The following ST3GAL3 variants were observed in gnomAD, a reference collection of about 807,000 sequenced individuals.
ST3GAL3 encodes ST3 beta-galactoside alpha-2,3-sialyltransferase 3, also known as CMP-N-acetylneuraminate-beta-1,4-galactoside alpha-2,3-sialyltransferase.
Under a neutral mutation model 50.1 loss-of-function variants are expected in ST3GAL3, and 21 were observed. The observed-to-expected ratio is 0.42, with a 90% CI of 0.30 to 0.60. The LOEUF (loss-of-function observed/expected upper bound fraction) is 0.60, where lower values mean the gene tolerates loss of function less well. Among genes scored for constraint, ST3GAL3 ranks in the 20% least tolerant of loss-of-function variants. The probability of loss-of-function intolerance (pLI) is 0.19; values close to 1 mark genes in which losing one functional copy is unlikely to be tolerated. For synonymous variants in ST3GAL3, 183 were observed against 190.0 expected (o/e 0.96, Z 0.30); for missense variants, 353 against 489.4 (o/e 0.72, Z 2.63).
At chr1:43,816,997 C>T (rs567632482) in intron 4 of ST3GAL3, among the ~76,000 whole-genome samples, 1 of 152,154 alleles carries the variant, frequency 6.6e-6, no homozygotes, top group African/African-American at 2.4e-5. Context: ...TTGGTGGGGG[C>T]AGTTCCTCAG....
rs184263426 is a variant in ST3GAL3 at position 43,719,431 on chromosome 1, A to T, written c.-31+11738A>T. 4.6e-5 allele frequency among the ~76,000 whole-genome samples: 7 copies of T among 151,222 alleles called. No homozygotes were observed. In the East Asian group the frequency reaches 9.8e-4, roughly 21 times the overall value. ...AATACTAGCACTTTGGGAGGCCGAG[A>T]TGAGCGGATTGCCTGAGCTCAGGAG... On this transcript the variant is annotated intron_variant, in intron 1 of 11. Coordinates refer to ENST00000347631, the MANE Select transcript of ST3GAL3 (RefSeq NM_006279.5).
At chr1:43,849,883 G>C (rs961659517) in intron 5 of ST3GAL3, among the ~76,000 whole-genome samples, 2 of 152,238 alleles carry the variant, frequency 1.3e-5, no homozygotes, top group Non-Finnish European at 2.9e-5. Flanking sequence ...AAGAGTGGCA[G>C]TGTGTACAAG....
intron 5 of ST3GAL3, among the ~76,000 whole-genome samples, chr1:43,886,500 T>C (rs553358209): frequency 3.9e-5 from 6 of 152,368 alleles, no homozygotes; most frequent in Admixed American, 2.0e-4. Context: ...TGTACAATTA[T>C]TATGTGCCTA....
At chr1:43,766,405 G>A (rs183354824) in intron 2 of ST3GAL3, among the ~76,000 whole-genome samples, 10 of 151,922 alleles carry the variant, frequency 6.6e-5, no homozygotes, top group Middle Eastern at 3.4e-3. Flanking sequence ...AAGAAGTGGC[G>A]ATTTAAAAAA....
intron 11 of ST3GAL3, 195 bp from the exon 12 acceptor site, chr1:43,929,937 G>T (rs530449406): frequency 6.8e-6 from 5 of 740,656 alleles, no homozygotes; most frequent in Non-Finnish European, 1.2e-5. Context: ...TCTTGGGAAG[G>T]GAGGAGGATG....
At chr1:43,911,194 T>A (rs1381802258) in intron 9 of ST3GAL3, 1 of 150,570 alleles carries the variant, frequency 6.6e-6, no homozygotes, top group Non-Finnish European at 1.5e-5. Flanking sequence ...CAGGCTGGAG[T>A]GTAGTGGCAC....
intron 5 of ST3GAL3, chr1:43,857,995 C>A: frequency 2.2e-6 from 1 of 446,880 alleles, no homozygotes; most frequent in Middle Eastern, 4.4e-4. Context: ...ATTTAAAAAG[C>A]AAAACCAACC....
chr1:43,899,620 G>A lies in ST3GAL3; in HGVS notation c.637G>A (p.Ala213Thr), dbSNP rs780493101. Residue 213 changes from alanine (A) to threonine (T), a missense_variant, in exon 9 of 12, where the codon GCC (alanine) becomes ACC (threonine). Coordinates refer to ENST00000347631, the MANE Select transcript of ST3GAL3 (RefSeq NM_006279.5). The surrounding 1 kb of genome is among the most constrained non-coding windows in gnomAD (Gnocchi z 5.4). ...ACTGCGCATCACCTACCCCGAGGGC[G>A]CCATGCAGCGGCCTGAGCAGTACGA... is the stretch of plus-strand genomic sequence containing the variant. ...TTLRITYPEGAMQRPEQYERD... is the reference protein window; with the variant it reads ...TTLRITYPEGTMQRPEQYERD... 1.5e-5 allele frequency: 25 copies of A among 1,614,026 alleles called. No homozygotes were observed. Among genetic ancestry groups the A allele is most frequent in the Admixed American group, 1.7e-5 (1 of 60,000 alleles).
intron 4 of ST3GAL3, among the ~76,000 whole-genome samples, chr1:43,816,676 G>A (rs2061282008): frequency 6.6e-6 from 1 of 152,156 alleles, no homozygotes; most frequent in Non-Finnish European, 1.5e-5. Context: ...TGAGGAGGAC[G>A]CTCATCTCCT....
intron 2 of ST3GAL3, among the ~76,000 whole-genome samples, chr1:43,756,547 TACAC>T (rs36004035): frequency 6.6e-6 from 1 of 150,630 alleles, no homozygotes; most frequent in African/African-American, 2.4e-5. Context: ...ATGTATTGTA[TACAC>T]ACACACACAC....
chr1:43,884,658 C>A (rs957556086), intron 5 of ST3GAL3, among the ~76,000 whole-genome samples: 1 of 152,190 alleles, frequency 6.6e-6, no homozygotes, highest in East Asian at 1.9e-4. Context: ...GGAGCCAAGG[C>A]CTGTGGTTGA....
chr1:43,750,747 A>C (rs1421318952), intron 2 of ST3GAL3, among the ~76,000 whole-genome samples: 2 of 151,884 alleles, frequency 1.3e-5, no homozygotes, highest in African/African-American at 4.8e-5. Context: ...AAAAAAAAAA[A>C]ATTAGCCCAG....
intron 5 of ST3GAL3, among the ~76,000 whole-genome samples, chr1:43,882,613 G>T (rs968845033): frequency 6.6e-6 from 1 of 152,114 alleles, no homozygotes; most frequent in Non-Finnish European, 1.5e-5. Context: ...CTCGAAGTTG[G>T]CACATTGTTT....
At chr1:43,786,723 C>T (rs969631559) in intron 2 of ST3GAL3, among the ~76,000 whole-genome samples, 3 of 152,168 alleles carry the variant, frequency 2.0e-5, no homozygotes, top group African/African-American at 2.4e-5. Flanking sequence ...TTCTTACTCA[C>T]CACTGTATTT....
At chr1:43,805,512 G>A (rs2059769411) in intron 3 of ST3GAL3, among the ~76,000 whole-genome samples, 1 of 152,348 alleles carries the variant, frequency 6.6e-6, no homozygotes, top group East Asian at 1.9e-4. Flanking sequence ...AGGCTAACAA[G>A]TTAGATCAGA....
At chr1:43,803,582 T>G (rs772401372) in intron 3 of ST3GAL3, among the ~76,000 whole-genome samples, 2 of 152,238 alleles carry the variant, frequency 1.3e-5, no homozygotes, top group African/African-American at 2.4e-5. Flanking sequence ...TAACAAGGTT[T>G]CATTATTACA....
chr1:43,756,953 G>A (rs1688350569), intron 2 of ST3GAL3, among the ~76,000 whole-genome samples: 1 of 152,164 alleles, frequency 6.6e-6, no homozygotes, highest in Non-Finnish European at 1.5e-5. Flanking sequence ...CACCCAGGCT[G>A]AAGTGCAGTG....
At chr1:43,752,215 T>A (rs1686419141) in intron 2 of ST3GAL3, among the ~76,000 whole-genome samples, 1 of 152,214 alleles carries the variant, frequency 6.6e-6, no homozygotes, top group Admixed American at 6.5e-5. Flanking sequence ...TGTTTGATAG[T>A]ATTTCCACAT....
chr1:43,921,379 T>G (rs2083013144), intron 11 of ST3GAL3: 1 of 457,960 alleles, frequency 2.2e-6, no homozygotes, highest in Admixed American at 3.7e-5. Flanking sequence ...AACATCCGTA[T>G]GTAGGGTACA....
Sources: allele counts gnomAD v4.1 joint callset (sites outside exome capture counted in the v4.1 genomes callset), GRCh38; gene constraint gnomAD v4.1.1; non-coding constraint Gnocchi (gnomAD v3.1); transcripts MANE v1.5; gene names NCBI Gene and HGNC (gene_info 2026-07-23, HGNC 2026-07-21).